MBNL3: variants seen among roughly 807,000 people sequenced by gnomAD.
The protein encoded by MBNL3 is muscleblind like splicing regulator 3, also known as muscleblind-like protein 3.
In MBNL3, 6 loss-of-function variants were observed where a neutral mutation model predicts 24.5. That is an observed-to-expected ratio of 0.25 (90% confidence interval 0.13 to 0.48). MBNL3 has a LOEUF of 0.48. Among genes scored for constraint, MBNL3 ranks in the 20% least tolerant of loss-of-function variants. The pLI is 0.99. For missense variants in MBNL3, 230 were observed against 293.5 expected (o/e 0.78, Z 1.58); for synonymous variants, 100 against 101.7 (o/e 0.98, Z 0.10).
intron 1 of MBNL3, among the ~76,000 whole-genome samples, chrX:132,481,018 GA>G (rs61695684): frequency 1.3e-4 from 14 of 105,306 alleles, no homozygotes; most frequent in South Asian, 8.2e-4. Context: ...ACAGAATAAA[GA>G]AAAAAAAAAC....
chrX:132,460,594 A>T, intron 1 of MBNL3, among the ~76,000 whole-genome samples: 1 of 112,393 alleles, frequency 8.9e-6, no homozygotes, highest in East Asian at 2.8e-4. Context: ...CAGAGTAAAT[A>T]CTAATTAAGT....
At position 132,386,701 on chromosome X, in the gene MBNL3, C is replaced by A. The variant is rs1388470569; in HGVS notation, c.882G>T (p.Leu294=). ...NPTVFHCQQA[L]TNLQLPQPAF... The stretch of plus-strand genomic sequence containing the variant: ...CCGGCTGTGGGAGCTGCAGGTTAGT[C>A]AGAGCCTGTTGGCAGTGGAAAACAG... The change falls in exon 6 of 9, where the codon CTG becomes CTT. Residue 294 remains leucine, a synonymous_variant. Coordinates refer to ENST00000370853, the MANE Select transcript of MBNL3 (RefSeq NM_001386889.1). 8 of 1,208,945 alleles carry A rather than the reference C, an allele frequency of 6.6e-6. No individual in the cohort carries two copies. The highest frequency in any genetic ancestry group is 8.9e-6 in the Non-Finnish European group (8 of 895,189).
intron 1 of MBNL3, among the ~76,000 whole-genome samples, chrX:132,457,185 T>TA (rs1213484377): frequency 9.0e-6 from 1 of 111,296 alleles, no homozygotes; most frequent in African/African-American, 3.3e-5. Context: ...GTGCAAGTCA[T>TA]AAAAAGAAGG....
At chrX:132,489,554 TC>T (rs1242185687), upstream of MBNL3, among the ~76,000 whole-genome samples, 1 of 110,741 alleles carries the variant, frequency 9.0e-6, no homozygotes, top group Non-Finnish European at 1.9e-5. Flanking sequence ...ACGCCAGACG[TC>T]CCCTCGCGCA....
At chrX:132,474,311 C>A (rs757991241) in intron 1 of MBNL3, among the ~76,000 whole-genome samples, 1 of 111,297 alleles carries the variant, frequency 9.0e-6, no homozygotes, top group Admixed American at 9.5e-5. Context: ...TTTCCCCAAC[C>A]CTCTCTTTCA....
At chrX:132,413,960 A>T (rs1943063202) in intron 2 of MBNL3, among the ~76,000 whole-genome samples, 1 of 112,216 alleles carries the variant, frequency 8.9e-6, no homozygotes, top group Non-Finnish European at 1.9e-5. Flanking sequence ...CTGTCTTTGG[A>T]ATACTCAAAT....
intron 6 of MBNL3, among the ~76,000 whole-genome samples, chrX:132,385,118 C>T (rs1935769129): frequency 9.0e-6 from 1 of 110,761 alleles, no homozygotes; most frequent in African/African-American, 3.3e-5. Flanking sequence ...TCCACTGTCT[C>T]ATAGTCAATA....
chrX:132,434,790 A>G (rs769043533), intron 2 of MBNL3, among the ~76,000 whole-genome samples: 5 of 111,940 alleles, frequency 4.5e-5, no homozygotes, highest in East Asian at 5.6e-4. Context: ...CTAAGGAGAT[A>G]TAAGGAATAA....
At chrX:132,391,422 A>G (rs1937159342) in intron 4 of MBNL3, among the ~76,000 whole-genome samples, 1 of 111,968 alleles carries the variant, frequency 8.9e-6, no homozygotes, top group African/African-American at 3.2e-5. Context: ...TAAGTCCAAG[A>G]TGAGTCTTTA....
chrX:132,444,756 T>G (rs1945604510), intron 1 of MBNL3, among the ~76,000 whole-genome samples: 1 of 111,833 alleles, frequency 8.9e-6, no homozygotes, highest in Non-Finnish European at 1.9e-5. Context: ...TAAAATTACA[T>G]ACATAATAGA....
intron 2 of MBNL3, among the ~76,000 whole-genome samples, chrX:132,406,928 A>AAAGCACAAAAGG (rs1463294842): frequency 5.4e-5 from 6 of 112,036 alleles, no homozygotes; most frequent in Admixed American, 3.8e-4. Flanking sequence ...ACCTTTTAAG[A>AAAGCACAAAAGG]AAGCACAACT....
At chrX:132,434,623 T>C (rs780667529) in intron 2 of MBNL3, among the ~76,000 whole-genome samples, 1 of 112,016 alleles carries the variant, frequency 8.9e-6, no homozygotes, top group South Asian at 3.7e-4. Context: ...TTCTTTTTTA[T>C]TTGTCAAAAC....
In MBNL3 at chrX:132,386,753, T is replaced by A; in HGVS notation, c.830A>T (p.Asn277Ile). The A allele has an allele frequency of 1.7e-6, 2 of 1,210,939 alleles. No homozygotes were observed. Among genetic ancestry groups the A allele is most frequent in the Non-Finnish European group, 2.2e-6 (2 of 895,246 alleles). ...IPKRSALEKPNGATPVFNPTV... is the reference protein window; with the variant it reads ...IPKRSALEKPIGATPVFNPTV... The stretch of plus-strand genomic sequence containing the variant: ...GGGATTAAAGACCGGGGTGGCACCA[T>A]TGGGCTTTTCCAGTGCTGATCTCTT... The change falls in exon 6 of 9, where the codon AAT (asparagine) becomes ATT (isoleucine). Residue 277 changes from asparagine to isoleucine, a missense_variant. Coordinates refer to ENST00000370853, the MANE Select transcript of MBNL3 (RefSeq NM_001386889.1).
At chrX:132,399,418 C>T (rs1432466547) in intron 3 of MBNL3, among the ~76,000 whole-genome samples, 1 of 109,757 alleles carries the variant, frequency 9.1e-6, no homozygotes, top group African/African-American at 3.3e-5. Context: ...CTAGAAGGTA[C>T]CTAATTAAGA....
chrX:132,459,013 C>A (rs1423328889), intron 1 of MBNL3, among the ~76,000 whole-genome samples: 1 of 105,213 alleles, frequency 9.5e-6, no homozygotes, highest in Admixed American at 1.0e-4. Flanking sequence ...ATCAATCATT[C>A]TATTAAAACT....
At chrX:132,473,202 C>T (rs1012062792) in intron 1 of MBNL3, among the ~76,000 whole-genome samples, 3 of 111,938 alleles carry the variant, frequency 2.7e-5, no homozygotes, top group African/African-American at 3.2e-5. Flanking sequence ...AGAATTTAAA[C>T]CTGCTGAATA....
rs774446692 is a variant in MBNL3 at position 132,439,613 on chromosome X, T to C, written c.-2A>G. The C allele has an allele frequency of 5.0e-6, 6 of 1,191,216 alleles. No individual in the cohort carries two copies. Among genetic ancestry groups the C allele is most frequent in the Admixed American group, 2.3e-5 (1 of 43,206 alleles). ...CAGGGCAACATTGACAGCCGTCATA[T>C]TGAAAGCAAAATTAAAATCCAATGT... On this transcript the variant is annotated 5_prime_UTR_variant, in exon 2 of 9. Transcript: ENST00000370853.
chrX:132,484,666 A>C (rs1236355387), intron 1 of MBNL3, among the ~76,000 whole-genome samples: 1 of 111,096 alleles, frequency 9.0e-6, no homozygotes, highest in Non-Finnish European at 1.9e-5. Context: ...TCTACTGCCA[A>C]CCCCCTGCAT....
Position 132,379,691 on chromosome X carries a change from AAAAAG to A in MBNL3, c.1054-19_1054-15del. On this transcript the variant is annotated splice_polypyrimidine_tract_variant and intron_variant, in intron 8 of 8. Transcript: ENST00000370853. ...TCAGAATTTCAGCTGAAATGGAAAA[AAAAAG>A]AAAGAAAGAAAGAGTGAGAAATATT... 1 of 1,146,369 alleles carries A rather than the reference AAAAAG, an allele frequency of 8.7e-7. No individual in the cohort carries two copies. The highest frequency in any genetic ancestry group is 1.2e-6 in the Non-Finnish European group (1 of 838,874). The allele number at this position is 1,146,369 out of a possible 1,213,427, so 94.5% of individuals were successfully genotyped here.
Sources: gnomAD v4.1 joint callset for allele counts (sites outside exome capture counted in the v4.1 genomes callset) on GRCh38, gnomAD v4.1.1 for gene constraint, MANE v1.5 for transcripts, NCBI Gene and HGNC (gene_info 2026-07-23, HGNC 2026-07-21) for gene names.